Variants in DLEC1 observed in about 807,000 individuals in gnomAD.
DLEC1 encodes DLEC1 cilia and flagella associated protein.
DLEC1 carries 146 observed loss-of-function variants against 198.1 expected under a neutral mutation model. The observed-to-expected ratio is 0.74, with a 90% CI of 0.64 to 0.85. The LOEUF is 0.85. DLEC1 is among the 40% of genes least tolerant of loss of function. The pLI is 0.00. For missense variants in DLEC1, 2,233 were observed against 2,220.0 expected (o/e 1.01, Z -0.12); for synonymous variants, 897 against 866.8 (o/e 1.03, Z -0.61).
At position 38,085,413 on chromosome 3, in the gene DLEC1, C is replaced by T. The variant is rs775463951; in HGVS notation, c.1401C>T (p.Pro467=). The change falls in exon 8 of 37, where the codon CCC becomes CCT. Residue 467 remains proline (P), a synonymous_variant. Transcript: ENST00000308059. ...ETQSAHTLLI[P]LQARRPPPVL... is the part of the protein sequence containing the mutation. ...AGTCAGCCCACACACTTCTGATCCC[C>T]CTGCAGGCCCGGAGGCCGCCCCCCG... 7.4e-6 allele frequency: 12 copies of T among 1,614,052 alleles called. No individual in the cohort carries two copies. In the South Asian group the frequency reaches 8.8e-5, roughly 12 times the overall value.
chr3:38,098,131 A>G (rs1699130171), intron 18 of DLEC1, among the ~76,000 whole-genome samples: 1 of 152,094 alleles, frequency 6.6e-6, no homozygotes, highest in African/African-American at 2.4e-5. Flanking sequence ...TGTGCCTTTC[A>G]CTACCATCGG....
chr3:38,084,548 A>G (rs62240746), intron 7 of DLEC1, among the ~76,000 whole-genome samples: 580 of 1,368 alleles, frequency 0.42, 43 homozygotes, highest in East Asian at 0.45. Context: ...TGGTAGTAGT[A>G]GTGGTAGTAG....
intron 6 of DLEC1, among the ~76,000 whole-genome samples, chr3:38,074,506 T>A (rs1258551130): frequency 6.6e-6 from 1 of 152,242 alleles, no homozygotes; most frequent in African/African-American, 2.4e-5. Context: ...CGTCTTTACC[T>A]TGGGTAGTTT....
rs906127656 is a variant in DLEC1 at position 38,110,427 on chromosome 3, A to G, written c.3443+146A>G. 1.9e-4 allele frequency: 201 copies of G among 1,057,422 alleles called. 2 individuals carry two copies. The Middle Eastern group carries it at 5.7e-3, about 30-fold the overall frequency. The allele number at this position is 1,057,422 out of a possible 1,614,324, so 65.5% of individuals were successfully genotyped here. A position where few individuals can be genotyped will look rare whatever the true frequency, so the allele number is the denominator to read the frequency against. ...TTTACAGGTAGACATGGGGACAGGC[A>G]GAGAGGAAATGGCTCCTGCTGTCCA... On this transcript the variant is annotated intron_variant, in intron 23 of 36. Coordinates refer to ENST00000308059, the MANE Select transcript of DLEC1 (RefSeq NM_007335.4).
intron 3 of DLEC1, 135 bp downstream of exon 3, chr3:38,059,987 G>T: frequency 1.3e-6 from 1 of 743,198 alleles, no homozygotes; most frequent in Non-Finnish European, 2.2e-6. Flanking sequence ...GGTGACTGTT[G>T]GGAAAGTCAA....
Position 38,108,408 on chromosome 3 carries a change from CT to C in DLEC1, c.3023del (p.Leu1008ProfsTer10). The C allele has an allele frequency of 1.2e-6, 2 of 1,613,866 alleles. No homozygotes were observed. Among genetic ancestry groups the C allele is most frequent in the Non-Finnish European group, 1.7e-6 (2 of 1,179,870 alleles). On this transcript the variant is annotated frameshift_variant, in exon 21 of 37. Coordinates refer to ENST00000308059, the MANE Select transcript of DLEC1 (RefSeq NM_007335.4). LOFTEE classifies it high-confidence loss of function. ...LPTQFHWGKL[L>X]GHQAEFCMVT... is the part of the protein sequence containing the mutation. ...GGCTCACTCATGTGTCTGCCAGCTC[CT>C]CGGACACCAAGCAGAATTCTGCATG...
intron 34 of DLEC1, among the ~76,000 whole-genome samples, chr3:38,121,097 A>C (rs1269463372): frequency 6.6e-6 from 1 of 152,156 alleles, no homozygotes; most frequent in Non-Finnish European, 1.5e-5. Context: ...GGCCTGGGGA[A>C]GACTCTAGAG....
intron 6 of DLEC1, among the ~76,000 whole-genome samples, chr3:38,068,605 A>G (rs1390360348): frequency 1.3e-5 from 2 of 152,228 alleles, no homozygotes; most frequent in African/African-American, 4.8e-5. Flanking sequence ...GTTATCCTAT[A>G]TGATAGCAGT....
intron 1 of DLEC1, among the ~76,000 whole-genome samples, chr3:38,041,034 T>C (rs1700627347): frequency 6.7e-6 from 1 of 150,182 alleles, no homozygotes; most frequent in African/African-American, 2.5e-5. Flanking sequence ...TTATTTGAGA[T>C]GGAGTCTCAC....
At chr3:38,109,846 A>C (rs1699768852) in intron 22 of DLEC1, 1 of 685,312 alleles carries the variant, frequency 1.5e-6, no homozygotes, top group East Asian at 2.8e-5. Context: ...GCTTGCCCAC[A>C]TGAGGCCCAG....
At chr3:38,091,054 T>C (rs1698721265) in intron 10 of DLEC1, among the ~76,000 whole-genome samples, 1 of 152,138 alleles carries the variant, frequency 6.6e-6, no homozygotes, top group Non-Finnish European at 1.5e-5. Context: ...AACTTATTAA[T>C]AAAATGGATT....
In DLEC1 at chr3:38,114,323, G is replaced by C. The variant is rs144352529; in HGVS notation, c.3667-19G>C. On this transcript the variant is annotated intron_variant, in intron 25 of 36. Coordinates refer to ENST00000308059, the MANE Select transcript of DLEC1 (RefSeq NM_007335.4). ...GCAACCGGTGACAGGAGTGACAAAG[G>C]GCTGGGGTGTGTTTGCAGGTGGGAG... is the stretch of plus-strand genomic sequence containing the variant. 5.5e-3 allele frequency: 8,913 copies of C among 1,612,998 alleles called. 35 individuals carry two copies. The highest frequency in any genetic ancestry group is 6.6e-3 in the Non-Finnish European group (7,762 of 1,179,008).
Position 38,114,311 on chromosome 3 carries a change from G to C in DLEC1, c.3667-31G>C, listed in dbSNP as rs372412653. 106 of 1,609,046 alleles carry C rather than the reference G, an allele frequency of 6.6e-5. No homozygotes were observed. In the African/African-American group the frequency reaches 1.4e-3, roughly 21 times the overall value. On this transcript the variant is annotated intron_variant, in intron 25 of 36. Coordinates refer to ENST00000308059, the MANE Select transcript of DLEC1 (RefSeq NM_007335.4). ...GGGGATGTGGTCGCAACCGGTGACA[G>C]GAGTGACAAAGGGCTGGGGTGTGTT...
intron 2 of DLEC1, among the ~76,000 whole-genome samples, chr3:38,053,456 G>C (rs1286125023): frequency 6.6e-6 from 1 of 151,976 alleles, no homozygotes; most frequent in Non-Finnish European, 1.5e-5. Flanking sequence ...CGTCTGGGAG[G>C]TGAGGAGCAT....
chr3:38,065,252 C>G (rs1696956990), intron 6 of DLEC1, among the ~76,000 whole-genome samples: 1 of 152,204 alleles, frequency 6.6e-6, no homozygotes, highest in Non-Finnish European at 1.5e-5. Context: ...GCAGGAGAAT[C>G]AGGCAGGGAG....
chr3:38,076,340 A>G (rs1393551950), intron 6 of DLEC1, among the ~76,000 whole-genome samples: 1 of 152,224 alleles, frequency 6.6e-6, no homozygotes, highest in African/African-American at 2.4e-5. Context: ...TGTGAGCAAT[A>G]AAGCTGTTTA....
intron 7 of DLEC1, 104 bp downstream of exon 7, chr3:38,084,349 T>C: frequency 4.7e-6 from 5 of 1,055,768 alleles, no homozygotes; most frequent in Non-Finnish European, 2.8e-6. Context: ...ATGATAGTAG[T>C]AGTGGTGGTG....
At chr3:38,041,249 A>G (rs1032216232) in intron 1 of DLEC1, among the ~76,000 whole-genome samples, 3 of 151,816 alleles carry the variant, frequency 2.0e-5, no homozygotes, top group South Asian at 4.2e-4. Flanking sequence ...TGATCTGCCC[A>G]CCTTGGCCTC....
chr3:38,055,945 G>T (rs7614135), intron 2 of DLEC1, among the ~76,000 whole-genome samples: 1 of 152,270 alleles, frequency 6.6e-6, no homozygotes, highest in African/African-American at 2.4e-5. Context: ...CAGGCTGATC[G>T]TGCTGGCTCA....
Sources: gnomAD v4.1 joint callset for allele counts (sites outside exome capture counted in the v4.1 genomes callset) on GRCh38, gnomAD v4.1.1 for gene constraint, MANE v1.5 for transcripts, NCBI Gene and HGNC (gene_info 2026-07-23, HGNC 2026-07-21) for gene names.